The following RSU1 variants were observed in gnomAD, a reference collection of about 807,000 sequenced individuals.
RSU1 encodes Ras suppressor protein 1.
In RSU1, 26 loss-of-function variants were observed where a neutral mutation model predicts 31.1. That is an observed-to-expected ratio of 0.84 (90% CI 0.61 to 1.16). The LOEUF (loss-of-function observed/expected upper bound fraction) is 1.16. RSU1 is among the 50% of genes most tolerant of loss of function. RSU1 has a pLI of 0.00. For missense variants in RSU1, 320 were observed against 339.1 expected (o/e 0.94, Z 0.44); for synonymous variants, 164 against 136.3 (o/e 1.20, Z -1.41).
chr10:16,593,595 T>C (rs1833552198), intron 8 of RSU1, 99 bp from the exon 9 acceptor site: 1 of 925,050 alleles, frequency 1.1e-6, no homozygotes, highest in African/African-American at 1.6e-5. Context: ...TCCAAAAATA[T>C]TCAGTAAGCC....
rs201298416 is a variant in RSU1, at chr10:16,645,889, TATATGTATATAC to T, written c.731+49122_731+49133del. 1.7e-3 allele frequency among the ~76,000 whole-genome samples: 182 copies of T among 105,972 alleles called. 21 individuals carry two copies. The highest frequency in any genetic ancestry group is 0.017 in the Admixed American group (159 of 9,454). The allele number at this position is 105,972 out of a possible 152,430, so 69.5% of individuals were successfully genotyped here. ...ATATATACATATATGTGTATATACA[TATATGTATATAC>T]ACATATATGTATATATATGTGTATA... is the stretch of plus-strand genomic sequence containing the variant. On this transcript the variant is annotated intron_variant, in intron 8 of 8. Transcript: ENST00000345264.
intron 8 of RSU1, among the ~76,000 whole-genome samples, chr10:16,622,088 T>C (rs766120032): frequency 2.0e-5 from 3 of 152,254 alleles, no homozygotes; most frequent in East Asian, 3.9e-4. Flanking sequence ...CCCATAAATA[T>C]ACATACCTAC....
At chr10:16,608,717 C>G (rs1026022810) in intron 8 of RSU1, among the ~76,000 whole-genome samples, 4 of 151,760 alleles carry the variant, frequency 2.6e-5, no homozygotes, top group African/African-American at 9.7e-5. Context: ...TCCATCTCCT[C>G]TTTTTTCACT....
intron 3 of RSU1, among the ~76,000 whole-genome samples, chr10:16,766,191 C>T (rs1167722969): frequency 6.6e-6 from 1 of 152,178 alleles, no homozygotes; most frequent in Admixed American, 6.5e-5. Flanking sequence ...GTCTAGTGAG[C>T]GGCCCCTGCG....
intron 2 of RSU1, among the ~76,000 whole-genome samples, chr10:16,799,847 G>C (rs1202414346): frequency 1.3e-5 from 2 of 152,272 alleles, no homozygotes; most frequent in African/African-American, 4.8e-5. Context: ...GGGCGGGGAG[G>C]GGATGCGGGG....
At chr10:16,761,358 G>A (rs1411945640) in intron 4 of RSU1, among the ~76,000 whole-genome samples, 2 of 152,118 alleles carry the variant, frequency 1.3e-5, no homozygotes, top group African/African-American at 2.4e-5. Flanking sequence ...AGCTCCATCA[G>A]GGCTGGATGG....
At position 16,752,976 on chromosome 10, in the gene RSU1, C is replaced by T; in HGVS notation, c.425G>A (p.Ser142Asn). 1.2e-6 allele frequency: 2 copies of T among 1,613,898 alleles called. No individual in the cohort carries two copies. The highest frequency in any genetic ancestry group is 1.7e-6 in the Non-Finnish European group (2 of 1,179,842). Residue 142 changes from serine (S) to asparagine (N), a missense_variant, in exon 6 of 9, where the codon AGT becomes AAT. Transcript: ENST00000345264. ...YLTTLRALYLSDNDFEILPPD... is the reference protein window; with the variant it reads ...YLTTLRALYLNDNDFEILPPD... ...CGGCAGGATTTCAAAATCGTTGTCA[C>T]TTAGATAGAGTGCACGCAGGGTGGC...
chr10:16,661,671 GCT>G (rs1232938343), intron 8 of RSU1, among the ~76,000 whole-genome samples: 1 of 152,084 alleles, frequency 6.6e-6, no homozygotes, highest in Non-Finnish European at 1.5e-5. Context: ...AATTTTTTCA[GCT>G]CTGACTTTCT....
intron 8 of RSU1, among the ~76,000 whole-genome samples, chr10:16,682,378 T>C (rs1419708375): frequency 6.6e-6 from 1 of 152,050 alleles, no homozygotes; most frequent in East Asian, 1.9e-4. Context: ...GACTTGGGAG[T>C]GTCCTGATAT....
At chr10:16,736,989 A>G (rs1035145747) in intron 7 of RSU1, among the ~76,000 whole-genome samples, 3 of 148,496 alleles carry the variant, frequency 2.0e-5, no homozygotes, top group African/African-American at 7.4e-5. Context: ...AGTGCACAAG[A>G]AACTATCCAA....
intron 3 of RSU1, among the ~76,000 whole-genome samples, chr10:16,781,133 C>A (rs1312426657): frequency 6.6e-6 from 1 of 152,108 alleles, no homozygotes; most frequent in Non-Finnish European, 1.5e-5. Context: ...CAAATTCTTG[C>A]CACATGATTA....
intron 7 of RSU1, among the ~76,000 whole-genome samples, chr10:16,714,020 G>C (rs1386593987): frequency 1.3e-5 from 2 of 152,126 alleles, no homozygotes; most frequent in African/African-American, 4.8e-5. Context: ...CGTAGTGTGT[G>C]GTTTTGCTGG....
Position 16,695,009 on chromosome 10 carries a change from C to A in RSU1, c.731+14G>T. ...ATCACAGTCTACTATTTCAGAAAATCAGAGTCTACTTACTATTTGTATGTC... is the reference window on the plus strand; with the variant it reads ...ATCACAGTCTACTATTTCAGAAAATAAGAGTCTACTTACTATTTGTATGTC... On this transcript the variant is annotated intron_variant, in intron 8 of 8. Coordinates refer to ENST00000345264, the MANE Select transcript of RSU1 (RefSeq NM_012425.4). The A allele has an allele frequency of 6.3e-7, 1 of 1,597,726 alleles. No individual in the cohort carries two copies. Among genetic ancestry groups the A allele is most frequent in the Non-Finnish European group, 8.5e-7 (1 of 1,173,160 alleles).
intron 7 of RSU1, among the ~76,000 whole-genome samples, chr10:16,739,785 A>AT (rs1836716043): frequency 6.6e-6 from 1 of 151,608 alleles, no homozygotes; most frequent in Non-Finnish European, 1.5e-5. Flanking sequence ...CTAATTTTGT[A>AT]TTTTTTGTTG....
chr10:16,641,549 T>C (rs1834442893), intron 8 of RSU1, among the ~76,000 whole-genome samples: 2 of 151,184 alleles, frequency 1.3e-5, no homozygotes, highest in African/African-American at 4.9e-5. Context: ...CATCTGCATA[T>C]GGAATTGGTT....
chr10:16,654,568 G>A (rs113710348), intron 8 of RSU1, among the ~76,000 whole-genome samples: 2,567 of 151,622 alleles, frequency 0.017, 41 homozygotes, highest in Middle Eastern at 0.027. Flanking sequence ...TACTTGGGAG[G>A]CTGAGGCACA....
chr10:16,774,445 C>T (rs774848584), intron 3 of RSU1, among the ~76,000 whole-genome samples: 5 of 152,264 alleles, frequency 3.3e-5, no homozygotes, highest in Non-Finnish European at 7.4e-5. Flanking sequence ...CAGTGCACAC[C>T]TGTAGTCCCA....
At chr10:16,704,465 G>A (rs899275242) in intron 7 of RSU1, among the ~76,000 whole-genome samples, 1 of 152,166 alleles carries the variant, frequency 6.6e-6, no homozygotes, top group African/African-American at 2.4e-5. Context: ...CAATTTATCT[G>A]GCTCTTTCAG....
chr10:16,811,311 AT>A (rs1373017757), intron 2 of RSU1, among the ~76,000 whole-genome samples: 1 of 152,160 alleles, frequency 6.6e-6, no homozygotes, highest in Non-Finnish European at 1.5e-5. Flanking sequence ...CTTATTATGC[AT>A]TTCTCATAAC....
Sources: gnomAD v4.1 joint callset for allele counts (sites outside exome capture counted in the v4.1 genomes callset) on GRCh38, gnomAD v4.1.1 for gene constraint, MANE v1.5 for transcripts, NCBI Gene and HGNC (gene_info 2026-07-23, HGNC 2026-07-21) for gene names.